Variants in STK33 observed in about 807,000 individuals in gnomAD.
STK33 encodes serine/threonine-protein kinase 33.
In STK33, 52 loss-of-function variants were observed where a neutral mutation model predicts 58.0. The ratio of observed to expected loss-of-function variants is 0.90; its 90% CI spans 0.72 to 1.13. The LOEUF is 1.13. Among genes scored for constraint, STK33 ranks in the 50% most tolerant of loss-of-function variants. The pLI is 0.00. For missense variants in STK33, 630 were observed against 604.2 expected (o/e 1.04, Z -0.45); for synonymous variants, 215 against 200.1 (o/e 1.07, Z -0.63).
At chr11:8,508,883 G>A (rs1247031175) in intron 1 of STK33, among the ~76,000 whole-genome samples, 2 of 152,064 alleles carry the variant, frequency 1.3e-5, no homozygotes, top group African/African-American at 2.4e-5. Context: ...TTGGGAGGCC[G>A]AGGTGAGCAG....
At chr11:8,357,541 G>T in the STK33 span, among the ~76,000 whole-genome samples, 1 of 152,330 alleles carries the variant, frequency 6.6e-6, no homozygotes, top group African/African-American at 2.4e-5. Flanking sequence ...GGGCATAATT[G>T]GGCTCCTAAT....
At chr11:8,537,531 A>T (rs1353272594) in intron 1 of STK33, among the ~76,000 whole-genome samples, 3 of 152,122 alleles carry the variant, frequency 2.0e-5, no homozygotes, top group African/African-American at 7.2e-5. Flanking sequence ...GACTTTTCTC[A>T]ATCAAGTTGA....
the STK33 span, among the ~76,000 whole-genome samples, chr11:8,361,818 C>T: frequency 5.3e-5 from 8 of 152,350 alleles, no homozygotes; most frequent in East Asian, 3.9e-4. The surrounding 1 kb of genome is among the most constrained non-coding windows in gnomAD (Gnocchi z 4.8). Flanking sequence ...GGGTGTTCCA[C>T]GGCAGCGAGT....
intron 5 of STK33, 89 bp from the exon 6 acceptor site, chr11:8,473,365 C>A (rs1948971016): frequency 1.3e-6 from 1 of 768,166 alleles, no homozygotes; most frequent in Non-Finnish European, 2.2e-6. Context: ...AATCTGATAA[C>A]TCTTTAACGT....
At chr11:8,439,807 A>G (rs1239571090) in intron 12 of STK33, among the ~76,000 whole-genome samples, 2 of 148,966 alleles carry the variant, frequency 1.3e-5, no homozygotes, top group Non-Finnish European at 3.0e-5. Flanking sequence ...AGATGCTCTG[A>G]CACTTCTCCG....
chr11:8,364,400 A>G, the STK33 span, among the ~76,000 whole-genome samples: 1 of 152,244 alleles, frequency 6.6e-6, no homozygotes, highest in Non-Finnish European at 1.5e-5. Flanking sequence ...AGACAAAGAG[A>G]CAACACAACT....
intron 5 of STK33, among the ~76,000 whole-genome samples, chr11:8,473,792 T>C (rs1480087654): frequency 6.6e-6 from 1 of 152,158 alleles, no homozygotes; most frequent in Non-Finnish European, 1.5e-5. Context: ...TTTTGAGGAA[T>C]GGGAACCTGA....
rs550466074 is a variant in STK33, at chr11:8,481,529, G to A, written c.-465-915C>T. On this transcript the variant is annotated intron_variant, in intron 1 of 15. Coordinates refer to ENST00000687296, the MANE Select transcript of STK33 (RefSeq NM_001352389.2). ...AAACAAGGCAAGTACCCAGCATAAGGCAGACAATGACCTGACATGTAAAAG... is the reference window on the plus strand; with the variant it reads ...AAACAAGGCAAGTACCCAGCATAAGACAGACAATGACCTGACATGTAAAAG... Among the ~76,000 whole-genome samples the A allele has an allele frequency of 9.9e-5, 15 of 152,270 alleles. No individual in the cohort carries two copies. In the East Asian group the frequency reaches 2.9e-3, roughly 29 times the overall value.
At position 8,457,292 on chromosome 11, in the gene STK33, G is replaced by C. The variant is rs535412594; in HGVS notation, c.697+49C>G. ...GGAATACAATTACCCTTAAACAAAA[G>C]TGACATTAGTATTCATGGGGTCAAT... On this transcript the variant is annotated intron_variant, in intron 9 of 15. Coordinates refer to ENST00000687296, the MANE Select transcript of STK33 (RefSeq NM_001352389.2). 17 of 1,434,872 alleles carry C rather than the reference G, an allele frequency of 1.2e-5. No individual in the cohort carries two copies. The South Asian group carries it at 3.0e-4, about 26-fold the overall frequency. The allele number at this position is 1,434,872 out of a possible 1,614,324, so 88.9% of individuals were successfully genotyped here. A position where few individuals can be genotyped will look rare whatever the true frequency, so the allele number is the denominator to read the frequency against.
intron 1 of STK33, among the ~76,000 whole-genome samples, chr11:8,524,230 G>A (rs1217715156): frequency 6.6e-6 from 1 of 152,114 alleles, no homozygotes; most frequent in East Asian, 1.9e-4. Context: ...TTATTCACAT[G>A]TTTATCTGCT....
At chr11:8,525,606 T>G (rs1439629263) in intron 1 of STK33, among the ~76,000 whole-genome samples, 1 of 152,178 alleles carries the variant, frequency 6.6e-6, no homozygotes, top group African/African-American at 2.4e-5. Flanking sequence ...AGGCGGATTA[T>G]AAATGTAAAC....
intron 1 of STK33, among the ~76,000 whole-genome samples, chr11:8,592,547 G>A (rs921810568): frequency 6.6e-6 from 1 of 152,152 alleles, no homozygotes; most frequent in Non-Finnish European, 1.5e-5. Flanking sequence ...GCAATGTTTC[G>A]ATGTTTTGAG....
chr11:8,373,632 G>A, the STK33 span, among the ~76,000 whole-genome samples: 9 of 152,248 alleles, frequency 5.9e-5, no homozygotes, highest in East Asian at 5.8e-4. Flanking sequence ...GGTCCTCAGC[G>A]GCATCACCAG....
intron 14 of STK33, among the ~76,000 whole-genome samples, chr11:8,419,025 T>C (rs964292217): frequency 4.6e-4 from 70 of 152,156 alleles, no homozygotes; most frequent in African/African-American, 1.5e-3. Context: ...AAATATTTTC[T>C]CCCATTCTGT....
intron 1 of STK33, among the ~76,000 whole-genome samples, chr11:8,540,469 C>A (rs1161481916): frequency 2.0e-5 from 3 of 151,832 alleles, no homozygotes; most frequent in Admixed American, 1.3e-4. Context: ...CAGAGCAAGA[C>A]CCAGTCTTTA....
intron 6 of STK33, among the ~76,000 whole-genome samples, chr11:8,468,505 C>T (rs1402786051): frequency 6.6e-6 from 1 of 152,210 alleles, no homozygotes; most frequent in Non-Finnish European, 1.5e-5. Flanking sequence ...CCTTGTTTAA[C>T]ACAATTGTGT....
chr11:8,403,100 G>C (rs1310011561), intron 15 of STK33, among the ~76,000 whole-genome samples: 1 of 152,160 alleles, frequency 6.6e-6, no homozygotes, highest in Non-Finnish European at 1.5e-5. Context: ...TTAGTTCTAA[G>C]GGGAAAGATT....
chr11:8,507,171 C>G (rs936311502), intron 1 of STK33, among the ~76,000 whole-genome samples: 26 of 152,090 alleles, frequency 1.7e-4, no homozygotes, highest in African/African-American at 6.3e-4. Flanking sequence ...AGCCTTGCCC[C>G]CAAAAAGAGC....
chr11:8,546,797 G>C (rs987069141), intron 1 of STK33, among the ~76,000 whole-genome samples: 2 of 152,176 alleles, frequency 1.3e-5, no homozygotes, highest in African/African-American at 2.4e-5. Flanking sequence ...ATATTCCGCT[G>C]TGTATATTTA....
Sources: gnomAD v4.1 joint callset for allele counts (sites outside exome capture counted in the v4.1 genomes callset) on GRCh38, gnomAD v4.1.1 for gene constraint, Gnocchi (gnomAD v3.1) non-coding constraint, MANE v1.5 for transcripts, NCBI Gene and HGNC (gene_info 2026-07-23, HGNC 2026-07-21) for gene names.